Variants in PIN4 observed in about 807,000 individuals in gnomAD.
PIN4 encodes the protein peptidylprolyl cis/trans isomerase, NIMA-interacting 4.
PIN4 carries 3 observed loss-of-function variants against 8.3 expected under a neutral mutation model. The ratio of observed to expected loss-of-function variants is 0.36; its 90% confidence interval spans 0.16 to 0.93. The LOEUF (loss-of-function observed/expected upper bound fraction) is 0.93, where lower values mean the gene tolerates loss of function less well. Among genes scored for constraint, PIN4 ranks in the 40% least tolerant of loss-of-function variants. The pLI, the probability that PIN4 is intolerant of heterozygous loss-of-function variation, is 0.44. For synonymous variants in PIN4, 18 were observed against 32.5 expected (o/e 0.55, Z 1.52); for missense variants, 75 against 100.6 (o/e 0.75, Z 1.09).
At chrX:72,233,688 C>T (rs1427330718) in intron 3 of PIN4, among the ~76,000 whole-genome samples, 2 of 100,999 alleles carry the variant, frequency 2.0e-5, no homozygotes, top group Non-Finnish European at 3.9e-5. Context: ...CGCCACCACA[C>T]TCCAGCCCGG....
intron 3 of PIN4, among the ~76,000 whole-genome samples, chrX:72,213,908 A>AG (rs1370217171): frequency 8.9e-6 from 1 of 112,003 alleles, no homozygotes; most frequent in Admixed American, 9.5e-5. Flanking sequence ...CTGAGAACAA[A>AG]GACCTGTCCG....
intron 3 of PIN4, among the ~76,000 whole-genome samples, chrX:72,224,726 CAA>C (rs1273876190): frequency 9.0e-6 from 1 of 111,584 alleles, no homozygotes. Flanking sequence ...GCCTGGGCAA[CAA>C]GAGCAAAACT....
chrX:72,206,657 C>G, intron 3 of PIN4: 1 of 1,211,555 alleles, frequency 8.3e-7, no homozygotes, highest in East Asian at 3.0e-5. Flanking sequence ...AGGAATTGAG[C>G]TTTCTGAACC....
At chrX:72,243,989 T>C (rs2043059012) in intron 3 of PIN4, among the ~76,000 whole-genome samples, 1 of 112,542 alleles carries the variant, frequency 8.9e-6, no homozygotes, top group Admixed American at 9.5e-5. Flanking sequence ...CTTTTTGCTC[T>C]TTAACATGAT....
chrX:72,192,439 T>C (rs2042740798), intron 2 of PIN4, among the ~76,000 whole-genome samples: 1 of 111,806 alleles, frequency 8.9e-6, no homozygotes, highest in African/African-American at 3.3e-5. Context: ...TGTTCCATCA[T>C]TGCACAATGT....
At chrX:72,243,871 T>C (rs2043058625) in intron 3 of PIN4, among the ~76,000 whole-genome samples, 1 of 112,190 alleles carries the variant, frequency 8.9e-6, no homozygotes, top group Non-Finnish European at 1.9e-5. Context: ...TCATCCTCCT[T>C]TTACAGATGA....
chrX:72,248,086 G>A (rs2057196999), intron 3 of PIN4, among the ~76,000 whole-genome samples: 1 of 110,259 alleles, frequency 9.1e-6, no homozygotes, highest in African/African-American at 3.3e-5. Context: ...AGGAACCAAG[G>A]ATTAGAGAGG....
At chrX:72,251,636 G>A (rs750860772) in intron 3 of PIN4, among the ~76,000 whole-genome samples, 15 of 111,499 alleles carry the variant, frequency 1.3e-4, no homozygotes, top group Non-Finnish European at 2.6e-4. Context: ...CTGAGAGTAA[G>A]TCTTAACTGA....
At position 72,197,606 on chromosome X, in the gene PIN4, A is replaced by G; in HGVS notation, c.*80A>G. The G allele has an allele frequency of 9.0e-7, 1 of 1,108,697 alleles. No individual in the cohort carries two copies. The highest frequency in any genetic ancestry group is 1.2e-6 in the Non-Finnish European group (1 of 841,865). 91.4% of individuals were successfully genotyped at this position (1,108,697 alleles called of 1,213,427 possible). Reference sequence around the variant, plus strand: ...ACATATTCTTTTGAGCTGGAGCTGCAAGGAAATACAAAAATTTTTAAAAAG... The same window carrying G: ...ACATATTCTTTTGAGCTGGAGCTGCGAGGAAATACAAAAATTTTTAAAAAG... On this transcript the variant is annotated 3_prime_UTR_variant, in exon 4 of 4. Coordinates refer to ENST00000373669, the MANE Select transcript of PIN4 (RefSeq NM_006223.4).
chrX:72,200,500 C>G (rs2042786113), downstream of PIN4, among the ~76,000 whole-genome samples: 1 of 111,490 alleles, frequency 9.0e-6, no homozygotes. Flanking sequence ...TAAATATACC[C>G]TTTGACCCAG....
At chrX:72,208,172 T>C (rs2042831596) in intron 3 of PIN4, 1 of 1,211,982 alleles carries the variant, frequency 8.3e-7, no homozygotes, top group Non-Finnish European at 1.1e-6. Context: ...TATGTAGTGA[T>C]AATAACACCA....
At chrX:72,249,740 A>G (rs1462706156) in intron 3 of PIN4, among the ~76,000 whole-genome samples, 1 of 112,052 alleles carries the variant, frequency 8.9e-6, no homozygotes, top group African/African-American at 3.2e-5. Context: ...TATGATAGAA[A>G]TCAGAACAGT....
chrX:72,187,299 C>G (rs928978515), intron 2 of PIN4, among the ~76,000 whole-genome samples: 6 of 111,727 alleles, frequency 5.4e-5, no homozygotes, highest in African/African-American at 2.0e-4. Context: ...AAATACTTAA[C>G]CTAGCCCCAG....
intron 3 of PIN4, among the ~76,000 whole-genome samples, chrX:72,219,664 A>G (rs939356558): frequency 2.8e-5 from 3 of 108,876 alleles, no homozygotes; most frequent in African/African-American, 1.0e-4. Context: ...CCTGACCAAC[A>G]TGAAGAAGCC....
Position 72,198,290 on chromosome X carries a change from A to G in PIN4, c.*764A>G. The G allele has an allele frequency of 1.4e-6, 1 of 706,667 alleles. No homozygotes were observed. Among genetic ancestry groups the G allele is most frequent in the Non-Finnish European group, 1.7e-6 (1 of 595,509 alleles). 58.2% of individuals were successfully genotyped at this position (706,667 alleles called of 1,213,427 possible). ...TTATGACATATAAAAAAGTATAAAG[A>G]TTACTAATATAAATACTATACTGCT... On this transcript the variant is annotated 3_prime_UTR_variant, in exon 4 of 4. Coordinates refer to ENST00000373669, the MANE Select transcript of PIN4 (RefSeq NM_006223.4).
chrX:72,193,882 A>G (rs1408018933), intron 2 of PIN4, among the ~76,000 whole-genome samples: 1 of 110,856 alleles, frequency 9.0e-6, no homozygotes, highest in Non-Finnish European at 1.9e-5. Context: ...CAAAAAAAAA[A>G]AAAAGAAAAA....
At chrX:72,205,090 G>A (rs150894750) in intron 3 of PIN4, 3 of 1,210,982 alleles carry the variant, frequency 2.5e-6, no homozygotes, top group Non-Finnish European at 3.4e-6. Context: ...TATGTCAAGC[G>A]CTTTAACTAA....
intron 3 of PIN4, among the ~76,000 whole-genome samples, chrX:72,232,882 C>T (rs938541693): frequency 7.2e-5 from 8 of 110,489 alleles, no homozygotes; most frequent in African/African-American, 2.0e-4. Flanking sequence ...GCAGGTGGAT[C>T]GCTTGAGACT....
Position 72,212,945 on chromosome X carries a change from C to CA in PIN4, c.312+16051dup, listed in dbSNP as rs772696229. Among the ~76,000 whole-genome samples, 272 of 103,681 alleles carry CA rather than the reference C, an allele frequency of 2.6e-3. 1 individual carries two copies. The highest frequency in any genetic ancestry group is 4.4e-3 in the African/African-American group (125 of 28,531). The allele number at this position is 103,681 out of a possible 115,157, so 90.0% of individuals were successfully genotyped here. A position where few individuals can be genotyped will look rare whatever the true frequency, so the allele number is the denominator to read the frequency against. ...TGGGCTACAGAGCCAGACCCTGTCT[C>CA]AAAAAAAAAAGAATGTGAAGAGACA... On this transcript the variant is annotated intron_variant, in intron 3 of 3. Coordinates refer to the PIN4 transcript ENST00000423432.
Sources: gnomAD v4.1 joint callset for allele counts (sites outside exome capture counted in the v4.1 genomes callset) on GRCh38, gnomAD v4.1.1 for gene constraint, MANE v1.5 for transcripts, NCBI Gene and HGNC (gene_info 2026-07-23, HGNC 2026-07-21) for gene names.